DOCK5: variants seen among roughly 807,000 people sequenced by gnomAD.
The protein encoded by DOCK5 is dedicator of cytokinesis 5.
A neutral mutation model predicts 251.8 loss-of-function variants in DOCK5; 142 were observed. The ratio of observed to expected loss-of-function variants is 0.56; its 90% CI spans 0.49 to 0.65. The LOEUF is 0.65. DOCK5 is among the 30% of genes least tolerant of loss of function. The pLI is 0.00. For missense variants in DOCK5, 2,111 were observed against 2,312.3 expected (o/e 0.91, Z 1.79); for synonymous variants, 842 against 835.5 (o/e 1.01, Z -0.13).
chr8:25,204,585 T>C (rs1384709937), intron 1 of DOCK5, among the ~76,000 whole-genome samples: 1 of 152,212 alleles, frequency 6.6e-6, no homozygotes, highest in Non-Finnish European at 1.5e-5. Context: ...CATTGAACTT[T>C]CTGCCTGAAG....
intron 16 of DOCK5, among the ~76,000 whole-genome samples, chr8:25,321,363 T>C (rs1045054990): frequency 3.3e-5 from 5 of 152,010 alleles, no homozygotes; most frequent in Non-Finnish European, 7.4e-5. Flanking sequence ...GGACCAGGGG[T>C]GGGGTGATGG....
At position 25,403,559 on chromosome 8, in the gene DOCK5, C is replaced by T; in HGVS notation, c.4928C>T (p.Pro1643Leu). 6.2e-7 allele frequency: 1 copy of T among 1,613,568 alleles called. No individual in the cohort carries two copies. The highest frequency in any genetic ancestry group is 8.5e-7 in the Non-Finnish European group (1 of 1,179,676). The change falls in exon 48 of 52, where the codon CCA becomes CTA. Residue 1643 changes from proline (P) to leucine (L), a missense_variant and splice_region_variant. Pro to Leu is a moderately conservative substitution (Grantham distance 98). Transcript: ENST00000276440. ...CCATGTGGAGTCATATGTTTTCAGC[C>T]ACCCAACTTGACGGAGAGGAAGCAA... ...VEKHYGVITL[P>L]PNLTERKQSR... is the part of the protein sequence containing the mutation.
intron 10 of DOCK5, among the ~76,000 whole-genome samples, 178 bp from the exon 11 acceptor site, chr8:25,304,076 AC>A (rs1804836679): frequency 6.6e-6 from 1 of 152,226 alleles, no homozygotes; most frequent in African/African-American, 2.4e-5. Context: ...CTCATGAGTC[AC>A]TTTTTTGCTG....
intron 9 of DOCK5, 128 bp from the exon 10 acceptor site, chr8:25,302,197 G>T (rs1214689959): frequency 1.5e-6 from 2 of 1,307,372 alleles, no homozygotes; most frequent in Non-Finnish European, 2.0e-6. Context: ...GAAGAGAGTC[G>T]TTCTAATACT....
At chr8:25,204,870 T>C (rs532826032) in intron 1 of DOCK5, among the ~76,000 whole-genome samples, 58 of 152,198 alleles carry the variant, frequency 3.8e-4, no homozygotes, top group African/African-American at 1.3e-3. Context: ...TAAAGGAAGA[T>C]TGATTTTAAC....
At chr8:25,306,800 A>C (rs1804949563) in intron 11 of DOCK5, among the ~76,000 whole-genome samples, 1 of 152,220 alleles carries the variant, frequency 6.6e-6, no homozygotes, top group Admixed American at 6.5e-5. Context: ...AAATACAATC[A>C]TGCATCACTT....
At chr8:25,272,098 A>G (rs986310266) in intron 3 of DOCK5, among the ~76,000 whole-genome samples, 3 of 152,216 alleles carry the variant, frequency 2.0e-5, no homozygotes, top group Admixed American at 1.3e-4. Flanking sequence ...GCGTGATCAC[A>G]GTTCACTGCA....
chr8:25,403,913 C>T (rs1801481057), intron 48 of DOCK5, among the ~76,000 whole-genome samples, 189 bp downstream of exon 48: 1 of 152,158 alleles, frequency 6.6e-6, no homozygotes, highest in Non-Finnish European at 1.5e-5. Context: ...AAAGAAATCA[C>T]CCATAATCCT....
At chr8:25,341,860 C>T in intron 24 of DOCK5, 51 bp downstream of exon 24, 4 of 1,452,430 alleles carry the variant, frequency 2.8e-6, no homozygotes, top group Non-Finnish European at 3.8e-6. Flanking sequence ...AAACAGCTCC[C>T]CTGCTTGGCT....
chr8:25,382,094 A>G (rs1212829006), intron 39 of DOCK5, among the ~76,000 whole-genome samples: 2 of 152,056 alleles, frequency 1.3e-5, no homozygotes, highest in Non-Finnish European at 2.9e-5. Flanking sequence ...GCCCACTGCA[A>G]CCTTGAACTC....
chr8:25,274,100 A>G (rs1210853396), intron 3 of DOCK5, among the ~76,000 whole-genome samples: 2 of 152,200 alleles, frequency 1.3e-5, no homozygotes, highest in East Asian at 3.9e-4. Context: ...TTTATTGGCA[A>G]CGGATTAAAA....
At chr8:25,259,211 G>A (rs772056778) in intron 2 of DOCK5, among the ~76,000 whole-genome samples, 2 of 152,306 alleles carry the variant, frequency 1.3e-5, no homozygotes, top group East Asian at 3.9e-4. Flanking sequence ...CTATGCGTGT[G>A]TGTTTTATAC....
chr8:25,368,348 A>G, intron 32 of DOCK5, 98 bp downstream of exon 32: 12 of 1,244,514 alleles, frequency 9.6e-6, no homozygotes, highest in Non-Finnish European at 1.4e-5. Flanking sequence ...TAACCCTGAG[A>G]TGTATTTGTC....
intron 3 of DOCK5, among the ~76,000 whole-genome samples, chr8:25,270,207 C>T (rs948224541): frequency 1.3e-5 from 2 of 152,172 alleles, no homozygotes; most frequent in Admixed American, 6.6e-5. Context: ...ATTCTAGTGT[C>T]GCATGTCTTT....
intron 2 of DOCK5, among the ~76,000 whole-genome samples, chr8:25,259,427 A>G (rs1044759068): frequency 6.6e-6 from 1 of 152,086 alleles, no homozygotes. Context: ...TTCCTTAACT[A>G]TGTTTTCTTT....
chr8:25,270,705 T>C, intron 3 of DOCK5: 1 of 619,052 alleles, frequency 1.6e-6, no homozygotes, highest in Non-Finnish European at 3.0e-6. Flanking sequence ...GACTACAGTA[T>C]GTAAGGATCC....
At chr8:25,326,859 TTATAA>T (rs1805576477) in intron 18 of DOCK5, among the ~76,000 whole-genome samples, 2 of 152,198 alleles carry the variant, frequency 1.3e-5, no homozygotes, top group Admixed American at 6.5e-5. Context: ...TAACCACGTT[TTATAA>T]TATAATTAAG....
At position 25,391,299 on chromosome 8, in the gene DOCK5, C is replaced by T. The variant is rs576457869; in HGVS notation, c.4356-597C>T. 1.1e-3 allele frequency among the ~76,000 whole-genome samples: 170 copies of T among 151,354 alleles called. 2 individuals carry two copies. In the South Asian group the frequency reaches 0.031, roughly 28 times the overall value. The stretch of plus-strand genomic sequence containing the variant: ...CAGGTTGGCTGGTCTTGAGTTCAAG[C>T]GATCCTCCCACCTCTGCCTCCCGAA... On this transcript the variant is annotated intron_variant, in intron 42 of 51. Transcript: ENST00000276440.
In DOCK5 at chr8:25,267,508, A is replaced by G. The variant is rs1396324890; in HGVS notation, c.128-1337A>G. On this transcript the variant is annotated intron_variant, in intron 2 of 51. Coordinates refer to ENST00000276440, the MANE Select transcript of DOCK5 (RefSeq NM_024940.8). ...TTTTTGGTTGATTTCATGTAGAACA[A>G]ATTACAAGAGAGTTCTAGGATCCTA... Among the ~76,000 whole-genome samples, 6 of 152,318 alleles carry G rather than the reference A, an allele frequency of 3.9e-5. No individual in the cohort carries two copies. The South Asian group carries it at 6.2e-4, about 16-fold the overall frequency.
Sources: allele counts gnomAD v4.1 joint callset (sites outside exome capture counted in the v4.1 genomes callset), GRCh38; gene constraint gnomAD v4.1.1; transcripts MANE v1.5; gene names NCBI Gene and HGNC (gene_info 2026-07-23, HGNC 2026-07-21).